Variants in CROCC observed in about 807,000 individuals in gnomAD.
The protein encoded by CROCC is ciliary rootlet coiled-coil, rootletin.
A neutral mutation model predicts 245.2 loss-of-function variants in CROCC; 180 were observed. The ratio of observed to expected loss-of-function variants is 0.73; its 90% CI spans 0.65 to 0.83. The LOEUF (loss-of-function observed/expected upper bound fraction) is 0.83. Among genes scored for constraint, CROCC ranks in the 40% least tolerant of loss-of-function variants. The probability of loss-of-function intolerance (pLI) is 0.00; values close to 1 mark genes in which losing one functional copy is unlikely to be tolerated. For missense variants in CROCC, 2,688 were observed against 2,779.4 expected, an observed-to-expected ratio of 0.97 and a Z score of 0.74; for synonymous variants, 1,205 against 1,241.6, an observed-to-expected ratio of 0.97 and a Z score of 0.62.
Position 16,942,130 on chromosome 1 carries a change from C to T in CROCC, c.1809-1970C>T, listed in dbSNP as rs1570643301. On this transcript the variant is annotated intron_variant, in intron 13 of 36. Transcript: ENST00000375541. Reference sequence around the variant, plus strand: ...GGCTTAAGTGATCCTTCCATCTCAGCCTCCTGAGTAGCTGGAACTACAGGC... The same window carrying T: ...GGCTTAAGTGATCCTTCCATCTCAGTCTCCTGAGTAGCTGGAACTACAGGC... Among the ~76,000 whole-genome samples the T allele has an allele frequency of 2.0e-5, 3 of 152,394 alleles. No individual in the cohort carries two copies. The East Asian group carries it at 5.8e-4, about 29-fold the overall frequency.
In CROCC at chr1:16,969,224, C is replaced by G. The variant is rs763067795; in HGVS notation, c.5185C>G (p.Arg1729Gly). Reference protein sequence around the residue: ...ESEGALRDKVRGLTEALAQSS... With the variant: ...ESEGALRDKVGGLTEALAQSS... ...CGAGGGGGCCCTGCGGGACAAGGTG[C>G]GGGGCCTGACAGAGGCCCTGGCCCA... Residue 1729 changes from arginine (R) to glycine (G), a missense_variant, in exon 32 of 37, where the codon CGG (arginine) becomes GGG (glycine). Arg to Gly is a moderately radical substitution (Grantham distance 125). Transcript: ENST00000375541. 1.2e-6 allele frequency: 2 copies of G among 1,612,844 alleles called. No individual in the cohort carries two copies. Among genetic ancestry groups the G allele is most frequent in the Non-Finnish European group, 8.5e-7 (1 of 1,179,614 alleles).
At position 16,922,617 on chromosome 1, in the gene CROCC, G is replaced by T. The variant is rs1345049109; in HGVS notation, c.61-46G>T. On this transcript the variant is annotated intron_variant, in intron 1 of 36. Transcript: ENST00000375541. The stretch of plus-strand genomic sequence containing the variant: ...GTGGCTCTCCCCACGAGGCCAGGGA[G>T]CCCCGGGTCCCATGTCCCCTGAAGA... The T allele has an allele frequency of 3.2e-6, 5 of 1,550,484 alleles. No homozygotes were observed. In the African/African-American group the frequency reaches 5.5e-5, roughly 17 times the overall value.
rs182717735 is a variant in CROCC at position 16,966,411 on chromosome 1, G to A, written c.4700G>A (p.Arg1567Gln). Residue 1567 changes from arginine (R) to glutamine (Q), a missense_variant, in exon 30 of 37, where the codon CGG (arginine) becomes CAG (glutamine). Arg to Gln is a conservative substitution (Grantham distance 43). Around this residue, in one of 9 missense-constraint regions of CROCC, gnomAD observed 1,218 missense variants for 1,286.3 expected, o/e 0.95. Coordinates refer to ENST00000375541, the MANE Select transcript of CROCC (RefSeq NM_014675.5). This position sits in a 1 kb window ranked among gnomAD's most constrained non-coding sequence, Gnocchi z 4.8. The part of the protein sequence containing the change: ...QKAVAESEEA[R>Q]RSVDGRLSGV... ...ACGGGGTGGGTGGTGGCTACAGCCC[G>A]GCGCAGTGTGGATGGGCGGCTGAGC... The A allele has an allele frequency of 4.6e-6, 7 of 1,529,066 alleles. No homozygotes were observed. The highest frequency in any genetic ancestry group is 2.4e-5 in the South Asian group (2 of 82,060). The allele number at this position is 1,529,066 out of a possible 1,614,324, so 94.7% of individuals were successfully genotyped here.
At chr1:16,971,856 C>T (rs1370752981) in intron 36 of CROCC, among the ~76,000 whole-genome samples, 1 of 152,228 alleles carries the variant, frequency 6.6e-6, no homozygotes, top group Admixed American at 6.5e-5. Flanking sequence ...GGCTCTGTTC[C>T]CCCTGGCTCC....
intron 3 of CROCC, among the ~76,000 whole-genome samples, chr1:16,925,288 G>T (rs1412646376): frequency 6.6e-6 from 1 of 152,282 alleles, no homozygotes; most frequent in East Asian, 1.9e-4. Context: ...CCTACTATGT[G>T]CCAGGCGCGT....
In CROCC at chr1:16,946,253, C is replaced by T. The variant is rs1275572235; in HGVS notation, c.2137-6C>T. The T allele has an allele frequency of 1.9e-5, 31 of 1,611,710 alleles. No individual in the cohort carries two copies. The highest frequency in any genetic ancestry group is 2.6e-5 in the Non-Finnish European group (31 of 1,179,188). ...TTTCCTCATTTCTCGGGGCCTGACCCTGCAGGCTGAGGCTGGCCGCGTGGA... is the reference window on the plus strand; with the variant it reads ...TTTCCTCATTTCTCGGGGCCTGACCTTGCAGGCTGAGGCTGGCCGCGTGGA... On this transcript the variant is annotated splice_region_variant and splice_polypyrimidine_tract_variant and intron_variant, in intron 15 of 36. Coordinates refer to ENST00000375541, the MANE Select transcript of CROCC (RefSeq NM_014675.5).
chr1:16,933,180 G>T lies in CROCC; in HGVS notation c.956+1783G>T, dbSNP rs1474804347. Among the ~76,000 whole-genome samples, 2 of 152,270 alleles carry T rather than the reference G, an allele frequency of 1.3e-5. 1 individual carries two copies. Among genetic ancestry groups the T allele is most frequent in the African/African-American group, 4.8e-5 (2 of 41,478 alleles). ...TTCCATATGTCTCATAAATGTCACA[G>T]ATAGACCAGGTGCAGTGGCTCACGC... On this transcript the variant is annotated intron_variant, in intron 8 of 36. Coordinates refer to ENST00000375541, the MANE Select transcript of CROCC (RefSeq NM_014675.5).
Position 16,968,317 on chromosome 1 carries a change from C to T in CROCC, c.4975C>T (p.Arg1659Cys), listed in dbSNP as rs1351373658. 1.4e-5 allele frequency: 22 copies of T among 1,549,406 alleles called. No homozygotes were observed. Among genetic ancestry groups the T allele is most frequent in the African/African-American group, 4.1e-5 (3 of 73,024 alleles). Residue 1659 changes from arginine to cysteine, a missense_variant, in exon 31 of 37, where the codon CGC becomes TGC. Around this residue, in one of 9 missense-constraint regions of CROCC, gnomAD observed 1,218 missense variants for 1,286.3 expected, o/e 0.95. Coordinates refer to ENST00000375541, the MANE Select transcript of CROCC (RefSeq NM_014675.5). ...CACTGTCAAGCTGGAGCTGCAGCGGCGCTCGCTTGAGGGGGAGCTGCAGCG... is the reference window on the plus strand; with the variant it reads ...CACTGTCAAGCTGGAGCTGCAGCGGTGCTCGCTTGAGGGGGAGCTGCAGCG... The part of the protein sequence containing the change: ...SRTVKLELQR[R>C]SLEGELQRSR...
At chr1:16,964,371 T>C (rs1328692379) in intron 27 of CROCC, among the ~76,000 whole-genome samples, 1 of 151,600 alleles carries the variant, frequency 6.6e-6, no homozygotes, top group Non-Finnish European at 1.5e-5. Context: ...TACTTTCTTT[T>C]CTTTTCTTTC....
chr1:16,924,198 C>T, intron 2 of CROCC, 127 bp from the exon 3 acceptor site: 1 of 1,189,550 alleles, frequency 8.4e-7, no homozygotes, highest in Non-Finnish European at 1.2e-6. Context: ...GTTTGCAGGC[C>T]TGGTGCTGCA....
intron 11 of CROCC, 119 bp from the exon 12 acceptor site, chr1:16,938,790 C>T (rs2075848880): frequency 6.8e-6 from 7 of 1,036,388 alleles, no homozygotes; most frequent in Non-Finnish European, 1.0e-5. Context: ...AGGAAGGCTT[C>T]TTGTAAGAGG....
intron 3 of CROCC, 151 bp from the exon 4 acceptor site, chr1:16,929,695 C>T (rs1328568039): frequency 1.4e-6 from 2 of 1,391,970 alleles, no homozygotes; most frequent in Non-Finnish European, 1.9e-6. Context: ...TGCACTGCCC[C>T]TGGGCTTGCC....
intron 3 of CROCC, among the ~76,000 whole-genome samples, chr1:16,929,353 C>G (rs2075610312): frequency 6.6e-6 from 1 of 152,268 alleles, no homozygotes; most frequent in Non-Finnish European, 1.5e-5. Context: ...AATTCACTAT[C>G]GCAACAAATA....
In CROCC at chr1:16,953,391, G is replaced by C. The variant is rs1333286414; in HGVS notation, c.3096G>C (p.Glu1032Asp). The C allele has an allele frequency of 6.2e-7, 1 of 1,610,772 alleles. No individual in the cohort carries two copies. The highest frequency in any genetic ancestry group is 1.7e-5 in the Admixed American group (1 of 60,002). The change falls in exon 21 of 37, where the codon GAG becomes GAC. Residue 1032 changes from glutamate (E) to aspartate (D), a missense_variant. Coordinates refer to ENST00000375541, the MANE Select transcript of CROCC (RefSeq NM_014675.5). ...REQEELLARL[E>D]AEKEELSEEI... ...AGGAGGAGCTGCTGGCCCGGCTGGA[G>C]GCTGAGAAGGAAGAGCTGAGTGAGG...
chr1:16,943,077 T>G (rs9435716), intron 13 of CROCC, among the ~76,000 whole-genome samples: 4 of 151,480 alleles, frequency 2.6e-5, no homozygotes, highest in Non-Finnish European at 5.9e-5. Flanking sequence ...ACCCTGTCTC[T>G]ACTAAAAATA....
At chr1:16,957,104 T>A (rs2076261244) in intron 25 of CROCC, among the ~76,000 whole-genome samples, 1 of 152,186 alleles carries the variant, frequency 6.6e-6, no homozygotes, top group Non-Finnish European at 1.5e-5. Context: ...AAAACCTGTC[T>A]CTACTAAAAA....
chr1:16,965,553 G>A (rs1288373794), intron 27 of CROCC, among the ~76,000 whole-genome samples, 170 bp from the exon 28 acceptor site: 4 of 152,206 alleles, frequency 2.6e-5, no homozygotes, highest in Non-Finnish European at 5.9e-5. Flanking sequence ...TGGCCAGTTT[G>A]TAAAGGGTGA....
At chr1:16,920,197 G>C (rs1354290273), upstream of CROCC, among the ~76,000 whole-genome samples, 1 of 152,238 alleles carries the variant, frequency 6.6e-6, no homozygotes, top group Non-Finnish European at 1.5e-5. Context: ...TCCTGACTCA[G>C]CCTCCCAGGT....
At position 16,965,591 on chromosome 1, in the gene CROCC, G is replaced by C. The variant is rs540108403; in HGVS notation, c.4406-132G>C. 80 of 711,734 alleles carry C rather than the reference G, an allele frequency of 1.1e-4. No individual in the cohort carries two copies. The Middle Eastern group carries it at 1.2e-3, about 11-fold the overall frequency. The allele number at this position is 711,734 out of a possible 1,614,324, so 44.1% of individuals were successfully genotyped here. Reference sequence around the variant, plus strand: ...GGGTTTCAGCTGGGATGGGCAAGAAGACCCCTAAGCTATAGCAGAGAAGTT... The same window carrying C: ...GGGTTTCAGCTGGGATGGGCAAGAACACCCCTAAGCTATAGCAGAGAAGTT... On this transcript the variant is annotated intron_variant, in intron 27 of 36. Transcript: ENST00000375541.
Sources: allele counts gnomAD v4.1 joint callset (sites outside exome capture counted in the v4.1 genomes callset), GRCh38; gene constraint gnomAD v4.1.1; regional missense constraint gnomAD v4.1.1; non-coding constraint Gnocchi (gnomAD v3.1); transcripts MANE v1.5; gene names NCBI Gene and HGNC (gene_info 2026-07-23, HGNC 2026-07-21).